Variants in NUDCD3 observed in about 807,000 individuals in gnomAD.
NUDCD3 encodes NudC domain containing 3.
A neutral mutation model predicts 39.7 loss-of-function variants in NUDCD3; 13 were observed. The observed-to-expected ratio is 0.33, with a 90% CI of 0.21 to 0.52. The LOEUF (loss-of-function observed/expected upper bound fraction) is 0.52, where lower values mean the gene tolerates loss of function less well. NUDCD3 is among the 20% of genes least tolerant of loss of function. The pLI, the probability that NUDCD3 is intolerant of heterozygous loss-of-function variation, is 0.96. For missense variants in NUDCD3, 453 were observed against 458.1 expected (o/e 0.99, Z 0.10); for synonymous variants, 175 against 172.4 (o/e 1.02, Z -0.12).
chr7:44,406,919 G>A (rs1307077417), intron 3 of NUDCD3, among the ~76,000 whole-genome samples: 1 of 152,156 alleles, frequency 6.6e-6, no homozygotes, highest in Non-Finnish European at 1.5e-5. Flanking sequence ...GGAGTCGGCA[G>A]GTATGCAGAG....
intron 5 of NUDCD3, among the ~76,000 whole-genome samples, chr7:44,387,673 C>T (rs868124759): frequency 3.3e-5 from 5 of 152,180 alleles, no homozygotes; most frequent in African/African-American, 4.8e-5. Context: ...CCTGGGAACC[C>T]GGGTTGCTGC....
chr7:44,397,600 A>AT (rs750238648), intron 4 of NUDCD3, among the ~76,000 whole-genome samples: 54 of 151,732 alleles, frequency 3.6e-4, no homozygotes, highest in Admixed American at 7.2e-4. Context: ...TAGCCTTCTC[A>AT]TTTTTTTTAA....
At chr7:44,425,669 G>T (rs578101109) in intron 3 of NUDCD3, among the ~76,000 whole-genome samples, 11 of 152,194 alleles carry the variant, frequency 7.2e-5, no homozygotes, top group African/African-American at 2.6e-4. Flanking sequence ...TTCAAGACCA[G>T]CCTGGGAAAC....
intron 4 of NUDCD3, among the ~76,000 whole-genome samples, chr7:44,403,512 C>CTGTATT (rs1264746117): frequency 4.6e-5 from 7 of 152,318 alleles, no homozygotes; most frequent in African/African-American, 1.7e-4. Context: ...GTTTCTGCAG[C>CTGTATT]ACTGACAGAA....
intron 3 of NUDCD3, among the ~76,000 whole-genome samples, chr7:44,415,826 G>T (rs1473029259): frequency 6.6e-6 from 1 of 152,178 alleles, no homozygotes; most frequent in African/African-American, 2.4e-5. Context: ...AGTTGTTGCA[G>T]CCGGGGTTAC....
At chr7:44,407,428 GGTGTT>G (rs1371475770) in intron 3 of NUDCD3, among the ~76,000 whole-genome samples, 2 of 151,814 alleles carry the variant, frequency 1.3e-5, no homozygotes. Context: ...AGCCAGGCGT[GGTGTT>G]GTATGCCTGT....
intron 2 of NUDCD3, among the ~76,000 whole-genome samples, chr7:44,465,506 G>A (rs1475842471): frequency 6.6e-6 from 1 of 152,196 alleles, no homozygotes; most frequent in East Asian, 1.9e-4. Context: ...TGGAGGCCAT[G>A]GGCACAGGGA....
chr7:44,392,248 C>T, intron 5 of NUDCD3, 49 bp downstream of exon 5: 1 of 1,555,632 alleles, frequency 6.4e-7, no homozygotes, highest in South Asian at 1.2e-5. Flanking sequence ...GCCTTGTCAC[C>T]AGCACAAGGG....
intron 2 of NUDCD3, among the ~76,000 whole-genome samples, chr7:44,462,330 G>A (rs1335469638): frequency 6.6e-6 from 1 of 152,068 alleles, no homozygotes; most frequent in African/African-American, 2.4e-5. Flanking sequence ...TCCAGGGCTC[G>A]AGTTACAGTT....
Position 44,403,239 on chromosome 7 carries a change from G to A in NUDCD3, c.786+1201C>T, listed in dbSNP as rs1410722818. On this transcript the variant is annotated intron_variant, in intron 4 of 5. Transcript: ENST00000355451. ...CTGGCCATCAGCAGAGGTAGGCCCT[G>A]GGTGGCCAGGAGAGTCAGAACTGGG... 2.6e-5 allele frequency among the ~76,000 whole-genome samples: 4 copies of A among 152,234 alleles called. No individual in the cohort carries two copies. In the East Asian group the frequency reaches 7.7e-4, roughly 29 times the overall value.
intron 3 of NUDCD3, among the ~76,000 whole-genome samples, chr7:44,417,270 T>C (rs1799046366): frequency 6.6e-6 from 1 of 152,142 alleles, no homozygotes; most frequent in African/African-American, 2.4e-5. Flanking sequence ...GAGGTGTAAA[T>C]CTGAACTTCA....
intron 2 of NUDCD3, among the ~76,000 whole-genome samples, chr7:44,428,883 A>G (rs369127928): frequency 1.3e-5 from 2 of 152,206 alleles, no homozygotes; most frequent in African/African-American, 2.4e-5. Context: ...ATCTCAGTCA[A>G]CTTCTCCAGG....
chr7:44,401,997 C>A (rs1798736232), intron 4 of NUDCD3, among the ~76,000 whole-genome samples: 2 of 152,206 alleles, frequency 1.3e-5, no homozygotes, highest in South Asian at 4.1e-4. Context: ...ACAATGGGGA[C>A]CCACACTCCT....
chr7:44,442,863 AT>A (rs1408237555), intron 2 of NUDCD3, among the ~76,000 whole-genome samples: 3 of 151,046 alleles, frequency 2.0e-5, no homozygotes, highest in Non-Finnish European at 3.0e-5. Context: ...GCCTGGCTAA[AT>A]TTTTTTTCTT....
intron 5 of NUDCD3, among the ~76,000 whole-genome samples, chr7:44,387,432 TCA>T (rs1004838879): frequency 6.6e-6 from 1 of 152,210 alleles, no homozygotes; most frequent in Admixed American, 6.5e-5. Flanking sequence ...TACAGGCAAC[TCA>T]CATCAGAGAC....
chr7:44,420,782 T>C lies in NUDCD3; in HGVS notation c.642+6789A>G, dbSNP rs144167164. Among the ~76,000 whole-genome samples the C allele has an allele frequency of 5.7e-3, 868 of 152,272 alleles. 5 individuals carry two copies. Among genetic ancestry groups the C allele is most frequent in the African/African-American group, 0.02 (826 of 41,552 alleles). ...TAAGTGAAGGTGAAATAAAATCCTT[T>C]ACAGACAAGCAAATGCTAAGAGATT... is the stretch of plus-strand genomic sequence containing the variant. On this transcript the variant is annotated intron_variant, in intron 3 of 5. Transcript: ENST00000355451.
intron 3 of NUDCD3, among the ~76,000 whole-genome samples, chr7:44,417,546 AC>A (rs1418238024): frequency 6.6e-6 from 1 of 152,256 alleles, no homozygotes; most frequent in Non-Finnish European, 1.5e-5. Flanking sequence ...AGTTCAGAAG[AC>A]AGATAAAGGA....
chr7:44,404,615 C>T (rs145083578), intron 3 of NUDCD3, 32 bp from the exon 4 acceptor site: 2 of 1,608,690 alleles, frequency 1.2e-6, no homozygotes, highest in African/African-American at 1.3e-5. Context: ...ATCATCTCTC[C>T]TATCAGGGTG....
chr7:44,485,305 A>G, intron 1 of NUDCD3, 21 bp from the exon 2 acceptor site: 1 of 1,579,414 alleles, frequency 6.3e-7, no homozygotes, highest in South Asian at 1.1e-5. Flanking sequence ...ACACCAATCC[A>G]GCAATCAGTT....
Sources: gnomAD v4.1 joint callset for allele counts (sites outside exome capture counted in the v4.1 genomes callset) on GRCh38, gnomAD v4.1.1 for gene constraint, MANE v1.5 for transcripts, NCBI Gene and HGNC (gene_info 2026-07-23, HGNC 2026-07-21) for gene names.